Variants in PLSCR5 observed in about 807,000 individuals in gnomAD.
PLSCR5 encodes the protein phospholipid scramblase family member 5.
In PLSCR5, 44 loss-of-function variants were observed where a neutral mutation model predicts 33.6. The observed-to-expected ratio is 1.31, with a 90% CI of 1.03 to 1.69. PLSCR5 has a LOEUF of 1.69. Ranked by LOEUF, PLSCR5 falls within the 40% of genes most tolerant of loss-of-function variation. The pLI is 0.00. For missense variants in PLSCR5, 375 were observed against 318.7 expected, an observed-to-expected ratio of 1.18 and a Z score of -1.34; for synonymous variants, 148 against 112.3, an observed-to-expected ratio of 1.32 and a Z score of -2.01.
downstream of PLSCR5, among the ~76,000 whole-genome samples, chr3:146,584,042 G>A (rs555333593): frequency 6.6e-6 from 1 of 152,162 alleles, no homozygotes; most frequent in South Asian, 2.1e-4. Context: ...GTGGGAAGGG[G>A]GGAAGACAAT....
chr3:146,582,020 A>G (rs188955603), downstream of PLSCR5, among the ~76,000 whole-genome samples: 1 of 152,334 alleles, frequency 6.6e-6, no homozygotes, highest in Non-Finnish European at 1.5e-5. Context: ...AAAGACTTAA[A>G]GGCATTACAA....
intron 5 of PLSCR5, 158 bp from the exon 6 acceptor site, chr3:146,589,972 G>T (rs2044700377): frequency 1.1e-5 from 5 of 462,008 alleles, no homozygotes; most frequent in African/African-American, 2.0e-5. Flanking sequence ...GCATAGGTTT[G>T]TAAATTTAGC....
At chr3:146,585,970 A>G (rs913540275) in intron 7 of PLSCR5, 28 bp from the exon 8 acceptor site, 2 of 1,189,326 alleles carry the variant, frequency 1.7e-6, no homozygotes, top group Non-Finnish European at 2.3e-6. Context: ...AGAGTTAGAT[A>G]GCGTCAAATA....
chr3:146,579,579 G>T (rs890097775), intron 7 of PLSCR5, among the ~76,000 whole-genome samples: 2 of 152,138 alleles, frequency 1.3e-5, no homozygotes, highest in African/African-American at 4.8e-5. Flanking sequence ...AGGAAAGTCT[G>T]ATTTATCTAA....
Position 146,588,889 on chromosome 3 carries a change from G to A in PLSCR5, c.777+764C>T, listed in dbSNP as rs576591412. Among the ~76,000 whole-genome samples, 3 of 152,128 alleles carry A rather than the reference G, an allele frequency of 2.0e-5. No homozygotes were observed. In the South Asian group the frequency reaches 6.2e-4, roughly 31 times the overall value. ...CTGTTTGTTTTAATCACTTATGTGT[G>A]TGCCTGTGTATACACATCTTTTTCA... On this transcript the variant is annotated intron_variant, in intron 6 of 7. Transcript: ENST00000443512.
chr3:146,580,369 C>A (rs1042452056), intron 7 of PLSCR5, among the ~76,000 whole-genome samples: 11 of 69,336 alleles, frequency 1.6e-4, no homozygotes, highest in Admixed American at 1.1e-3. Context: ...TCATTTCTCT[C>A]TCTTCTTGTT....
At chr3:146,595,905 G>A (rs747015629) in intron 2 of PLSCR5, among the ~76,000 whole-genome samples, 1 of 152,096 alleles carries the variant, frequency 6.6e-6, no homozygotes, top group African/African-American at 2.4e-5. Context: ...AAACCTGAAA[G>A]GTTATTGTAT....
Position 146,600,465 on chromosome 3 carries a change from T to G in PLSCR5, c.14-2A>C, listed in dbSNP as rs1259421085. 1 of 1,570,460 alleles carries G rather than the reference T, an allele frequency of 6.4e-7. No individual in the cohort carries two copies. The highest frequency in any genetic ancestry group is 1.8e-5 in the Admixed American group (1 of 56,236). On this transcript the variant is annotated splice_acceptor_variant, in intron 1 of 7. Coordinates refer to ENST00000443512, the MANE Select transcript of PLSCR5 (RefSeq NM_001085420.2). LOFTEE classifies it high-confidence loss of function. Reference sequence around the variant, plus strand: ...GACCTCTTCTTTGGTTCTGGGCATCTGCAAGAGAATGGAAATCCCAATCCA... The same window carrying G: ...GACCTCTTCTTTGGTTCTGGGCATCGGCAAGAGAATGGAAATCCCAATCCA...
intron 5 of PLSCR5, among the ~76,000 whole-genome samples, chr3:146,591,007 T>TTTG (rs1211066001): frequency 6.7e-6 from 1 of 150,366 alleles, no homozygotes; most frequent in South Asian, 2.1e-4. Flanking sequence ...GTTTTTTTTT[T>TTTG]TTGTTTTTTT....
Position 146,586,027 on chromosome 3 carries a change from T to G in PLSCR5, c.*44+3A>C. Reference sequence around the variant, plus strand: ...AGATCATTTAAACTTGCTTTTTACTTACTGAAATATGTTCTGCATATTTTA... The same window carrying G: ...AGATCATTTAAACTTGCTTTTTACTGACTGAAATATGTTCTGCATATTTTA... On this transcript the variant is annotated splice_donor_region_variant and intron_variant, in intron 7 of 7. Transcript: ENST00000443512. The G allele has an allele frequency of 6.9e-7, 1 of 1,452,300 alleles. No individual in the cohort carries two copies. Among genetic ancestry groups the G allele is most frequent in the Non-Finnish European group, 9.1e-7 (1 of 1,095,414 alleles). 90.0% of individuals were successfully genotyped at this position (1,452,300 alleles called of 1,614,324 possible). A position where few individuals can be genotyped will look rare whatever the true frequency, so the allele number is the denominator to read the frequency against.
At chr3:146,591,506 A>G (rs111477419) in intron 5 of PLSCR5, among the ~76,000 whole-genome samples, 103 of 152,142 alleles carry the variant, frequency 6.8e-4, no homozygotes, top group African/African-American at 2.4e-3. Context: ...AAATTTTGTA[A>G]TATTATTTTT....
At chr3:146,579,649 T>G (rs2044620450) in intron 7 of PLSCR5, among the ~76,000 whole-genome samples, 1 of 152,334 alleles carries the variant, frequency 6.6e-6, no homozygotes, top group African/African-American at 2.4e-5. Flanking sequence ...GTTTTGTTCC[T>G]CCTTAATACT....
chr3:146,584,646 G>C (rs1033134018), downstream of PLSCR5, among the ~76,000 whole-genome samples: 1 of 152,014 alleles, frequency 6.6e-6, no homozygotes, highest in Non-Finnish European at 1.5e-5. Flanking sequence ...AAATGTTAAG[G>C]TGTAAATAAG....
At chr3:146,594,228 C>CAGTGGTT (rs1248791497) in intron 3 of PLSCR5, 88 bp from the exon 4 acceptor site, 5 of 915,598 alleles carry the variant, frequency 5.5e-6, no homozygotes, top group Non-Finnish European at 8.3e-6. Flanking sequence ...TAAAAGAATA[C>CAGTGGTT]AGTGTCTGAT....
At chr3:146,583,226 A>T (rs1481855251), downstream of PLSCR5, among the ~76,000 whole-genome samples, 1 of 152,144 alleles carries the variant, frequency 6.6e-6, no homozygotes, top group Non-Finnish European at 1.5e-5. Context: ...TCTTGTCATT[A>T]TTGGATTAAA....
At chr3:146,585,974 T>C in intron 7 of PLSCR5, 32 bp from the exon 8 acceptor site, 4 of 1,245,398 alleles carry the variant, frequency 3.2e-6, no homozygotes, top group Non-Finnish European at 4.3e-6. Context: ...TTAGATAGCG[T>C]CAAATATAGA....
At chr3:146,604,629 T>TA (rs1440255571) in intron 1 of PLSCR5, among the ~76,000 whole-genome samples, 3 of 152,044 alleles carry the variant, frequency 2.0e-5, no homozygotes, top group African/African-American at 7.2e-5. Flanking sequence ...AAATAAAACT[T>TA]AGAGAGTGTA....
Position 146,600,072 on chromosome 3 carries a change from A to G in PLSCR5, c.189+216T>C, listed in dbSNP as rs137992056. Among the ~76,000 whole-genome samples, 1,047 of 152,316 alleles carry G rather than the reference A, an allele frequency of 6.9e-3. 6 individuals carry two copies. Among genetic ancestry groups the G allele is most frequent in the Middle Eastern group, 0.014 (4 of 294 alleles). Reference sequence around the variant, plus strand: ...AATATTTAGTCTCATCATTCTGTCAAATAAATAAGGAAGATAAAAGTAGTA... The same window carrying G: ...AATATTTAGTCTCATCATTCTGTCAGATAAATAAGGAAGATAAAAGTAGTA... On this transcript the variant is annotated intron_variant, in intron 2 of 7. Transcript: ENST00000443512.
At chr3:146,584,403 T>C (rs1421544809), downstream of PLSCR5, among the ~76,000 whole-genome samples, 2 of 152,162 alleles carry the variant, frequency 1.3e-5, no homozygotes, top group African/African-American at 4.8e-5. Context: ...GTTATGTCTA[T>C]TGCATAAAAG....
Sources: gnomAD v4.1 joint callset for allele counts (sites outside exome capture counted in the v4.1 genomes callset) on GRCh38, gnomAD v4.1.1 for gene constraint, MANE v1.5 for transcripts, NCBI Gene and HGNC (gene_info 2026-07-23, HGNC 2026-07-21) for gene names.